The following GON4L variants were observed in gnomAD, a reference collection of about 807,000 sequenced individuals.
GON4L encodes gon-4 like, also known as GON-4-like protein.
In GON4L, 87 loss-of-function variants were observed where a neutral mutation model predicts 211.8. That is an observed-to-expected ratio of 0.41 (90% CI 0.35 to 0.49). GON4L has a LOEUF of 0.49. Among genes scored for constraint, GON4L ranks in the 20% least tolerant of loss-of-function variants. GON4L has a pLI of 0.15. For synonymous variants in GON4L, 875 were observed against 962.6 expected (o/e 0.91, Z 1.68); for missense variants, 2,155 against 2,659.5 (o/e 0.81, Z 4.17).
downstream of GON4L, chr1:155,747,772 T>G (rs1660292780): frequency 1.2e-6 from 2 of 1,613,898 alleles, no homozygotes; most frequent in Non-Finnish European, 1.7e-6. Context: ...GGCTTCCAGA[T>G]CCTGTGTGAC....
At chr1:155,764,868 T>C (rs200312509) in intron 21 of GON4L, 132 bp downstream of exon 21, 2 of 1,564,888 alleles carry the variant, frequency 1.3e-6, no homozygotes, top group Non-Finnish European at 1.8e-6. Context: ...TCATGTCCCA[T>C]AATGCATTCA....
At position 155,752,051 on chromosome 1, in the gene GON4L, C is replaced by A. The variant is rs781584713; in HGVS notation, c.6382G>T (p.Gly2128Trp). ...DSGTQAKGPE[G>W]EQQPKAAEAT... ...TCTGCGGCCTTTGGCTGCTGCTCCCCCTCTGGACCCTTGGCCTGTGTTCCA... is the reference window on the plus strand; with the variant it reads ...TCTGCGGCCTTTGGCTGCTGCTCCCACTCTGGACCCTTGGCCTGTGTTCCA... Residue 2128 changes from glycine (G) to tryptophan (W), a missense_variant, in exon 30 of 32, where the codon GGG becomes TGG. Transcript: ENST00000368331. 1 of 1,613,792 alleles carries A rather than the reference C, an allele frequency of 6.2e-7. No homozygotes were observed. The highest frequency in any genetic ancestry group is 1.7e-5 in the Admixed American group (1 of 60,014).
intron 14 of GON4L, among the ~76,000 whole-genome samples, chr1:155,780,412 C>T (rs1454889212): frequency 6.6e-6 from 1 of 151,572 alleles, no homozygotes; most frequent in Admixed American, 6.6e-5. Flanking sequence ...GCTAACATGG[C>T]GAAACCCTGT....
At position 155,853,600 on chromosome 1, in the gene GON4L, C is replaced by G. The variant is rs960597771; in HGVS notation, c.181G>C (p.Val61Leu). The change falls in exon 2 of 32, where the codon GTA becomes CTA. Residue 61 changes from valine to leucine, a missense_variant. This residue lies in a region of GON4L where 313 missense variants were observed against 293.2 expected (regional missense o/e 1.07). Coordinates refer to ENST00000368331, the MANE Select transcript of GON4L (RefSeq NM_001282860.2). ...TTTCCTGCATCCTGCAAAGACTGTA[C>G]TTCGAAGCCAGCTACTCTGCCATGA... ...PSHGRVAGFE[V>L]QSLQDAGNQL... The G allele has an allele frequency of 6.2e-7, 1 of 1,614,168 alleles. No homozygotes were observed.
intron 13 of GON4L, chr1:155,785,066 C>T: frequency 2.0e-6 from 1 of 493,812 alleles, no homozygotes; most frequent in East Asian, 4.5e-5. Flanking sequence ...CACCACTGCA[C>T]TCTGGCTTGG....
At position 155,805,011 on chromosome 1, in the gene GON4L, G is replaced by A. The variant is rs1282054809; in HGVS notation, c.1583C>T (p.Ala528Val). The A allele has an allele frequency of 6.2e-7, 1 of 1,613,514 alleles. No homozygotes were observed. Among genetic ancestry groups the A allele is most frequent in the East Asian group, 2.2e-5 (1 of 44,858 alleles). The change falls in exon 11 of 32, where the codon GCA becomes GTA. Residue 528 changes from alanine to valine, a missense_variant. Ala to Val is a moderately conservative substitution (Grantham distance 64). Transcript: ENST00000368331. ...CCACATCTTCCAGTCCTCATCATCT[G>A]CCGTATTGGGGTCATACATATCTGG... ...ITPDMYDPNTADDEDWKMWLG... is the reference protein window; with the variant it reads ...ITPDMYDPNTVDDEDWKMWLG...
intron 11 of GON4L, among the ~76,000 whole-genome samples, chr1:155,803,348 G>C (rs1666862871): frequency 6.6e-6 from 1 of 151,600 alleles, no homozygotes; most frequent in African/African-American, 2.4e-5. Context: ...AGGTTCAAGT[G>C]ATTCTCCTGC....
At chr1:155,786,596 T>C (rs1664968570) in intron 12 of GON4L, among the ~76,000 whole-genome samples, 1 of 152,076 alleles carries the variant, frequency 6.6e-6, no homozygotes, top group South Asian at 2.1e-4. Context: ...TCTTTGGATC[T>C]GAACTATTCA....
chr1:155,776,297 G>T, intron 16 of GON4L, 98 bp downstream of exon 16: 1 of 917,384 alleles, frequency 1.1e-6, no homozygotes, highest in South Asian at 1.4e-5. Context: ...CCCGAGAGAA[G>T]AATAAATATA....
rs1408890506 is a variant in GON4L, at chr1:155,853,329, G to A, written c.452C>T (p.Thr151Ile). The A allele has an allele frequency of 3.1e-6, 5 of 1,613,856 alleles. No individual in the cohort carries two copies. Among genetic ancestry groups the A allele is most frequent in the Non-Finnish European group, 4.2e-6 (5 of 1,179,868 alleles). Reference protein sequence around the residue: ...VTQEDRCDHLTLKEPFSGEPS... With the variant: ...VTQEDRCDHLILKEPFSGEPS... ...CTCTCCTGAAAAAGGCTCCTTTAGG[G>A]TAAGATGATCACATCTGTCTTCTTG... Residue 151 changes from threonine to isoleucine, a missense_variant, in exon 2 of 32, where the codon ACC (threonine) becomes ATC (isoleucine). Physicochemically the swap from Thr to Ile is moderately conservative, Grantham distance 89. Transcript: ENST00000368331.
intron 2 of GON4L, among the ~76,000 whole-genome samples, chr1:155,836,305 AGTGG>A (rs1307899088): frequency 7.2e-6 from 1 of 139,810 alleles, no homozygotes; most frequent in Non-Finnish European, 1.5e-5. Flanking sequence ...GGTGGAGTGC[AGTGG>A]CACAATCTCG....
At chr1:155,795,259 C>T (rs1368809738) in intron 11 of GON4L, 108 bp from the exon 12 acceptor site, 1 of 726,962 alleles carries the variant, frequency 1.4e-6, no homozygotes, top group East Asian at 2.7e-5. Flanking sequence ...CAGGGTCTCA[C>T]TCTGTCGCCC....
At chr1:155,821,190 C>T (rs779711452) in intron 5 of GON4L, among the ~76,000 whole-genome samples, 25 of 151,846 alleles carry the variant, frequency 1.6e-4, no homozygotes, top group Non-Finnish European at 2.2e-4. Flanking sequence ...GGCCTGAACC[C>T]GGGAGGCGGA....
intron 2 of GON4L, among the ~76,000 whole-genome samples, chr1:155,837,766 G>T (rs1670442892): frequency 1.3e-5 from 2 of 151,932 alleles, no homozygotes; most frequent in Non-Finnish European, 1.5e-5. Context: ...ATAAAAGAGG[G>T]TTTTAAAATT....
chr1:155,765,209 C>T lies in GON4L; in HGVS notation c.4264G>A (p.Val1422Met), dbSNP rs1209594289. The T allele has an allele frequency of 1.9e-6, 3 of 1,614,220 alleles. No homozygotes were observed. Among genetic ancestry groups the T allele is most frequent in the Non-Finnish European group, 1.7e-6 (2 of 1,180,044 alleles). The change falls in exon 21 of 32, where the codon GTG becomes ATG. Residue 1422 changes from valine to methionine, a missense_variant. By Grantham distance (21) the Val-to-Met change is conservative. Coordinates refer to ENST00000368331, the MANE Select transcript of GON4L (RefSeq NM_001282860.2). ...KNALSSMDPEVRLSSPPGKPE... is the reference protein window; with the variant it reads ...KNALSSMDPEMRLSSPPGKPE... ...TTCCCTGGGGGGCTACTAAGCCTCACTTCAGGATCCATTGAGGACAAAGCA... is the reference window on the plus strand; with the variant it reads ...TTCCCTGGGGGGCTACTAAGCCTCATTTCAGGATCCATTGAGGACAAAGCA...
downstream of GON4L, chr1:155,745,739 A>G (rs190353704): frequency 2.1e-3 from 2,272 of 1,071,266 alleles, 9 homozygotes; most frequent in Non-Finnish European, 2.4e-3. Context: ...AGTCGCCAGT[A>G]TAACACCCGC....
intron 6 of GON4L, among the ~76,000 whole-genome samples, chr1:155,820,002 C>T (rs1303638352): frequency 3.3e-5 from 5 of 152,108 alleles, no homozygotes. Context: ...GCAACCTCCG[C>T]CCCCGGGTTC....
intron 3 of GON4L, 29 bp downstream of exon 3, chr1:155,826,808 A>C (rs1669257257): frequency 7.0e-7 from 1 of 1,423,880 alleles, no homozygotes; most frequent in Non-Finnish European, 9.9e-7. Flanking sequence ...AAGAGGTTTC[A>C]TTTAATTAAA....
chr1:155,829,721 G>C (rs913437850), intron 2 of GON4L, among the ~76,000 whole-genome samples: 1 of 152,148 alleles, frequency 6.6e-6, no homozygotes, highest in Non-Finnish European at 1.5e-5. Flanking sequence ...AATAAGGTTT[G>C]CTTTCTCTAT....
Sources: gnomAD v4.1 joint callset for allele counts (sites outside exome capture counted in the v4.1 genomes callset) on GRCh38, gnomAD v4.1.1 for gene constraint, gnomAD v4.1.1 regional missense constraint, MANE v1.5 for transcripts, NCBI Gene and HGNC (gene_info 2026-07-23, HGNC 2026-07-21) for gene names.